Variants in PTMS observed in about 807,000 individuals in gnomAD.
The protein encoded by PTMS is parathymosin.
PTMS carries 5 observed loss-of-function variants against 18.4 expected under a neutral mutation model. The ratio of observed to expected loss-of-function variants is 0.27; its 90% CI spans 0.14 to 0.57. PTMS has a LOEUF of 0.57. Ranked by LOEUF, PTMS falls within the 20% of genes least tolerant of loss-of-function variation. The pLI, the probability that PTMS is intolerant of heterozygous loss-of-function variation, is 0.92. For synonymous variants in PTMS, 53 were observed against 47.7 expected (o/e 1.11, Z -0.46); for missense variants, 93 against 124.6 (o/e 0.75, Z 1.21).
chr12:6,770,731 A>T lies in PTMS; in HGVS notation c.*289A>T. 1.9e-6 allele frequency: 1 copy of T among 514,148 alleles called. No homozygotes were observed. The allele number at this position is 514,148 out of a possible 1,614,324, so 31.8% of individuals were successfully genotyped here. On this transcript the variant is annotated 3_prime_UTR_variant, in exon 5 of 5. Transcript: ENST00000309083. This position sits in a 1 kb window ranked among gnomAD's most constrained non-coding sequence, Gnocchi z 7.3. The stretch of plus-strand genomic sequence containing the variant: ...TCTTTCTCCCTCCCCTACCAGCCTC[A>T]TTCTTCCTCCGGTAGCCTCTCCCAC...
intron 1 of PTMS, among the ~76,000 whole-genome samples, chr12:6,768,503 C>G (rs1941799844): frequency 6.6e-6 from 1 of 152,154 alleles, no homozygotes; most frequent in African/African-American, 2.4e-5. Context: ...CTATCCTGTT[C>G]CAGAAAGGAC....
At position 6,770,696 on chromosome 12, in the gene PTMS, CTCTTT is replaced by C; in HGVS notation, c.*255_*259del. 1.7e-6 allele frequency: 1 copy of C among 574,690 alleles called. No homozygotes were observed. The highest frequency in any genetic ancestry group is 2.0e-5 in the South Asian group (1 of 49,426). The allele number at this position is 574,690 out of a possible 1,614,324, so 35.6% of individuals were successfully genotyped here. Reference sequence around the variant, plus strand: ...AGCTGGCCCCCAATTGCTCCTCTCTCTCTTTGCTCTCTTTCTCCCTCCCCTACCAG... The same window carrying C: ...AGCTGGCCCCCAATTGCTCCTCTCTCGCTCTCTTTCTCCCTCCCCTACCAG... On this transcript the variant is annotated 3_prime_UTR_variant, in exon 5 of 5. Transcript: ENST00000309083. The surrounding 1 kb of genome is among the most constrained non-coding windows in gnomAD (Gnocchi z 7.3).
In PTMS at chr12:6,770,161, G is replaced by GGAA. The variant is rs778683859; in HGVS notation, c.213_215dup (p.Glu72dup). On this transcript the variant is annotated inframe_insertion, in exon 4 of 5. Coordinates refer to ENST00000309083, the MANE Select transcript of PTMS (RefSeq NM_002824.6). The surrounding 1 kb of genome is among the most constrained non-coding windows in gnomAD (Gnocchi z 7.3). ...GACCCATTTCTGGCTCCTCAGATGAGGAAGAAGAAGAAGAGGATGATGAAG... is the reference window on the plus strand; with the variant it reads ...GACCCATTTCTGGCTCCTCAGATGAGGAAGAAGAAGAAGAAGAGGATGATGAAG... The GGAA allele has an allele frequency of 6.2e-7, 1 of 1,614,080 alleles. No homozygotes were observed. Among genetic ancestry groups the GGAA allele is most frequent in the Non-Finnish European group, 8.5e-7 (1 of 1,180,000 alleles).
chr12:6,770,435 C>A lies in PTMS; in HGVS notation c.302C>A (p.Ser101Ter). The A allele has an allele frequency of 6.2e-7, 1 of 1,607,492 alleles. No homozygotes were observed. The highest frequency in any genetic ancestry group is 8.5e-7 in the Non-Finnish European group (1 of 1,178,514). The change falls in exon 5 of 5, where the codon TCG (serine) becomes TAG (stop). Residue 101 changes from serine (S) to a stop codon, truncating the protein, a stop_gained. Coordinates refer to ENST00000309083, the MANE Select transcript of PTMS (RefSeq NM_002824.6). LOFTEE classifies it high-confidence loss of function. This position sits in a 1 kb window ranked among gnomAD's most constrained non-coding sequence, Gnocchi z 7.3. ...PKRQKTENGA[S>*]A ...CGGCAGAAGACAGAAAATGGGGCATCGGCGTGAGCCCCTGCCAACAGGCTG... is the reference window on the plus strand; with the variant it reads ...CGGCAGAAGACAGAAAATGGGGCATAGGCGTGAGCCCCTGCCAACAGGCTG...
rs1401130992 is a variant in PTMS, at chr12:6,770,268, C to T, written c.258+50C>T. The T allele has an allele frequency of 6.2e-7, 1 of 1,611,950 alleles. No homozygotes were observed. The highest frequency in any genetic ancestry group is 1.3e-5 in the African/African-American group (1 of 74,872). On this transcript the variant is annotated intron_variant, in intron 4 of 4. Transcript: ENST00000309083. The surrounding 1 kb of genome is among the most constrained non-coding windows in gnomAD (Gnocchi z 7.3). ...AGGGGCTGTCAGGGATGCAGCCGGGCTGGGCGCCCTTTGGATTTGGACCCA... is the reference window on the plus strand; with the variant it reads ...AGGGGCTGTCAGGGATGCAGCCGGGTTGGGCGCCCTTTGGATTTGGACCCA...
At position 6,766,549 on chromosome 12, in the gene PTMS, G is replaced by T; in HGVS notation, c.-157G>T. 1 of 255,210 alleles carries T rather than the reference G, an allele frequency of 3.9e-6. No homozygotes were observed. The highest frequency in any genetic ancestry group is 3.7e-5 in the South Asian group (1 of 26,818). The allele number at this position is 255,210 out of a possible 1,614,324, so 15.8% of individuals were successfully genotyped here. A position where few individuals can be genotyped will look rare whatever the true frequency, so the allele number is the denominator to read the frequency against. Reference sequence around the variant, plus strand: ...CCGCGCGCCTCTGCCGCCTCTTCCAGAGACCCAGCTTGCCGAGCGGCCGCC... The same window carrying T: ...CCGCGCGCCTCTGCCGCCTCTTCCATAGACCCAGCTTGCCGAGCGGCCGCC... On this transcript the variant is annotated 5_prime_UTR_variant, in exon 1 of 5. Coordinates refer to ENST00000309083, the MANE Select transcript of PTMS (RefSeq NM_002824.6).
chr12:6,770,419 A>T lies in PTMS; in HGVS notation c.286A>T (p.Thr96Ser), dbSNP rs775126675. 3 of 1,613,020 alleles carry T rather than the reference A, an allele frequency of 1.9e-6. No homozygotes were observed. The South Asian group carries it at 3.3e-5, about 18-fold the overall frequency. The change falls in exon 5 of 5, where the codon ACA becomes TCA. Residue 96 changes from threonine (T) to serine (S), a missense_variant. Transcript: ENST00000309083. This position sits in a 1 kb window ranked among gnomAD's most constrained non-coding sequence, Gnocchi z 7.3. ...TGAAGCGGATCCCAAACGGCAGAAG[A>T]CAGAAAATGGGGCATCGGCGTGAGC... is the stretch of plus-strand genomic sequence containing the variant. ...EDEADPKRQK[T>S]ENGASA
At position 6,766,720 on chromosome 12, in the gene PTMS, C is replaced by G; in HGVS notation, c.15C>G (p.Ser5Arg). Reference protein sequence around the residue: MSEKSVEAAAELSAK... With the variant: MSEKRVEAAAELSAK... Reference sequence around the variant, plus strand: ...GCCCCGGCACCATGTCGGAGAAAAGCGTGGAGGCAGCGGCCGAGTTGAGCG... The same window carrying G: ...GCCCCGGCACCATGTCGGAGAAAAGGGTGGAGGCAGCGGCCGAGTTGAGCG... Residue 5 changes from serine (S) to arginine (R), a missense_variant, in exon 1 of 5, where the codon AGC becomes AGG. Physicochemically the swap from Ser to Arg is moderately radical, Grantham distance 110. Coordinates refer to ENST00000309083, the MANE Select transcript of PTMS (RefSeq NM_002824.6). 9.1e-7 allele frequency: 1 copy of G among 1,103,112 alleles called. No individual in the cohort carries two copies. Among genetic ancestry groups the G allele is most frequent in the Non-Finnish European group, 1.1e-6 (1 of 906,442 alleles). The allele number at this position is 1,103,112 out of a possible 1,614,324, so 68.3% of individuals were successfully genotyped here. A position where few individuals can be genotyped will look rare whatever the true frequency, so the allele number is the denominator to read the frequency against.
At chr12:6,769,452 ACCCTAGGGC>A (rs1350788662) in intron 1 of PTMS, 142 bp from the exon 2 acceptor site, 2 of 832,050 alleles carry the variant, frequency 2.4e-6, no homozygotes, top group Non-Finnish European at 4.1e-6. Context: ...TAATGTAAGG[ACCCTAGGGC>A]CCCTATTCTG....
intron 1 of PTMS, among the ~76,000 whole-genome samples, chr12:6,768,459 G>A (rs554631956): frequency 6.6e-6 from 1 of 152,298 alleles, no homozygotes; most frequent in Non-Finnish European, 1.5e-5. Context: ...GCCCCCCAGG[G>A]CAGCCGTTCT....
At position 6,769,875 on chromosome 12, in the gene PTMS, A is replaced by G. The variant is rs1460547170; in HGVS notation, c.118-46A>G. 5 of 1,588,872 alleles carry G rather than the reference A, an allele frequency of 3.1e-6. No homozygotes were observed. The Admixed American group carries it at 7.2e-5, about 23-fold the overall frequency. ...GTCCCATTGGTGGTGATGGTGGGCAAGGCATGCAGCCAGCCTGAGGCTACT... is the reference window on the plus strand; with the variant it reads ...GTCCCATTGGTGGTGATGGTGGGCAGGGCATGCAGCCAGCCTGAGGCTACT... On this transcript the variant is annotated intron_variant, in intron 2 of 4. Coordinates refer to ENST00000309083, the MANE Select transcript of PTMS (RefSeq NM_002824.6).
At chr12:6,767,761 G>C (rs1205847507) in intron 1 of PTMS, among the ~76,000 whole-genome samples, 2 of 152,258 alleles carry the variant, frequency 1.3e-5, no homozygotes, top group Non-Finnish European at 2.9e-5. Context: ...CTGTGCGGTG[G>C]CATGTGACTT....
In PTMS at chr12:6,770,064, G is replaced by A. The variant is rs1565479999; in HGVS notation, c.196+65G>A. On this transcript the variant is annotated intron_variant, in intron 3 of 4. Coordinates refer to ENST00000309083, the MANE Select transcript of PTMS (RefSeq NM_002824.6). This position sits in a 1 kb window ranked among gnomAD's most constrained non-coding sequence, Gnocchi z 7.3. ...GCTCAAAGGAGAGCAGAGTCAGGGTGGGTTTGAAGACCTGAAGCAGGGCTG... is the reference window on the plus strand; with the variant it reads ...GCTCAAAGGAGAGCAGAGTCAGGGTAGGTTTGAAGACCTGAAGCAGGGCTG... The A allele has an allele frequency of 1.2e-5, 19 of 1,593,708 alleles. No homozygotes were observed. Among genetic ancestry groups the A allele is most frequent in the Non-Finnish European group, 1.6e-5 (19 of 1,170,482 alleles).
chr12:6,769,480 C>G (rs1941810170), intron 1 of PTMS, 123 bp from the exon 2 acceptor site: 6 of 1,067,896 alleles, frequency 5.6e-6, no homozygotes, highest in Non-Finnish European at 8.7e-6. Context: ...TGTCTCTAAG[C>G]TGTGGCCACC....
intron 1 of PTMS, chr12:6,767,598 C>CGGGGGGGG (rs56074647): frequency 6.4e-4 from 7 of 11,006 alleles, no homozygotes; most frequent in Non-Finnish European, 7.1e-4. Context: ...ATGTGTATGG[C>CGGGGGGGG]GGGGGGGGGG....
At position 6,769,654 on chromosome 12, in the gene PTMS, C is replaced by T. The variant is rs1215012877; in HGVS notation, c.97C>T (p.Arg33Ter). 1 of 1,613,746 alleles carries T rather than the reference C, an allele frequency of 6.2e-7. No homozygotes were observed. The highest frequency in any genetic ancestry group is 2.2e-5 in the East Asian group (1 of 44,874). ...KVEEKASRKE[R>*]KKEVVEEEEN... ...GGAGGAGAAGGCAAGCCGGAAAGAG[C>T]GAAAGAAAGAAGTGGTGGAGGTGTG... The change falls in exon 2 of 5, where the codon CGA becomes TGA. Residue 33 changes from arginine to a stop codon, truncating the protein, a stop_gained. Coordinates refer to ENST00000309083, the MANE Select transcript of PTMS (RefSeq NM_002824.6). LOFTEE classifies it high-confidence loss of function.
Position 6,770,136 on chromosome 12 carries a change from G to T in PTMS, c.197-21G>T. Reference sequence around the variant, plus strand: ...CCAGAGCTTCCTGCCCTTCCCCAATGACCCATTTCTGGCTCCTCAGATGAG... The same window carrying T: ...CCAGAGCTTCCTGCCCTTCCCCAATTACCCATTTCTGGCTCCTCAGATGAG... On this transcript the variant is annotated intron_variant, in intron 3 of 4. Transcript: ENST00000309083. The surrounding 1 kb of genome is among the most constrained non-coding windows in gnomAD (Gnocchi z 7.3). 1.2e-6 allele frequency: 2 copies of T among 1,613,814 alleles called. No individual in the cohort carries two copies. The highest frequency in any genetic ancestry group is 2.2e-5 in the South Asian group (2 of 91,050).
rs761746533 is a variant in PTMS, at chr12:6,770,852, G to C, written c.*410G>C. ...GATCCCCTCTTCTCAGACAGCGCCA[G>C]GCCGGGGTGGGGCCGGGGTTGGGGC... On this transcript the variant is annotated 3_prime_UTR_variant, in exon 5 of 5. Coordinates refer to ENST00000309083, the MANE Select transcript of PTMS (RefSeq NM_002824.6). The surrounding 1 kb of genome is among the most constrained non-coding windows in gnomAD (Gnocchi z 7.3). 4.9e-6 allele frequency: 1 copy of C among 203,768 alleles called. No individual in the cohort carries two copies. The highest frequency in any genetic ancestry group is 2.3e-5 in the African/African-American group (1 of 43,212). 12.6% of individuals were successfully genotyped at this position (203,768 alleles called of 1,614,324 possible). A position where few individuals can be genotyped will look rare whatever the true frequency, so the allele number is the denominator to read the frequency against.
chr12:6,768,465 G>A (rs1198998889), intron 1 of PTMS, among the ~76,000 whole-genome samples: 2 of 152,144 alleles, frequency 1.3e-5, no homozygotes, highest in African/African-American at 4.8e-5. Flanking sequence ...CAGGGCAGCC[G>A]TTCTGCACCA....
Sources: gnomAD v4.1 joint callset for allele counts (sites outside exome capture counted in the v4.1 genomes callset) on GRCh38, gnomAD v4.1.1 for gene constraint, Gnocchi (gnomAD v3.1) non-coding constraint, MANE v1.5 for transcripts, NCBI Gene and HGNC (gene_info 2026-07-23, HGNC 2026-07-21) for gene names.